SLC16A8: variants seen among roughly 807,000 people sequenced by gnomAD.
The protein encoded by SLC16A8 is monocarboxylate transporter 3.
Under a neutral mutation model 22.4 loss-of-function variants are expected in SLC16A8, and 20 were observed. That is an observed-to-expected ratio of 0.89 (90% confidence interval 0.63 to 1.30). The LOEUF (loss-of-function observed/expected upper bound fraction) is 1.30, where lower values mean the gene tolerates loss of function less well. Ranked by LOEUF, SLC16A8 falls within the 50% of genes most tolerant of loss-of-function variation. The probability of loss-of-function intolerance (pLI) is 0.00; values close to 1 mark genes in which losing one functional copy is unlikely to be tolerated. For synonymous variants in SLC16A8, 393 were observed against 358.8 expected (o/e 1.10, Z -1.08); for missense variants, 817 against 740.3 (o/e 1.10, Z -1.20).
At chr22:38,080,034 G>A (rs1182789052) in intron 5 of SLC16A8, among the ~76,000 whole-genome samples, 1 of 152,210 alleles carries the variant, frequency 6.6e-6, no homozygotes, top group Admixed American at 6.5e-5. Context: ...CCCGCAAGGT[G>A]TCCTCCCTGG....
intron 5 of SLC16A8, among the ~76,000 whole-genome samples, chr22:38,080,435 C>T (rs762679262): frequency 1.3e-5 from 2 of 152,184 alleles, no homozygotes; most frequent in Non-Finnish European, 1.5e-5. Flanking sequence ...TTCCAGTCAC[C>T]ATTCTAGATG....
chr22:38,082,600 T>C, intron 3 of SLC16A8, 60 bp downstream of exon 3: 1 of 1,405,158 alleles, frequency 7.1e-7, no homozygotes, highest in Non-Finnish European at 9.6e-7. Context: ...GGCTCGGGTG[T>C]CTCCTGGTTC....
At chr22:38,082,976 G>A in intron 2 of SLC16A8, 66 bp downstream of exon 2, 1 of 794,762 alleles carries the variant, frequency 1.3e-6, no homozygotes, top group South Asian at 1.8e-5. Flanking sequence ...CTGAGGCACA[G>A]GGCTACCCAC....
rs1210350322 is a variant in SLC16A8 at position 38,081,401 on chromosome 22, C to A, written c.637G>T (p.Ala213Ser). Residue 213 changes from alanine to serine, a missense_variant, in exon 5 of 6, where the codon GCC becomes TCC. Transcript: ENST00000681075. ...TCCGCCTCGCCCGGAGCGTCCCCGG[C>A]GCGGTCGCCGGCGCTGTCCCTGCGC... ...RPRRDSAGDR[A>S]GDAPGEAEAD... 4.4e-6 allele frequency: 6 copies of A among 1,362,310 alleles called. No homozygotes were observed. The South Asian group carries it at 7.2e-5, about 16-fold the overall frequency. 84.4% of individuals were successfully genotyped at this position (1,362,310 alleles called of 1,614,324 possible). A position where few individuals can be genotyped will look rare whatever the true frequency, so the allele number is the denominator to read the frequency against.
chr22:38,080,357 A>T (rs1444224370), intron 5 of SLC16A8, among the ~76,000 whole-genome samples: 1 of 151,986 alleles, frequency 6.6e-6, no homozygotes, highest in Non-Finnish European at 1.5e-5. Flanking sequence ...GCTTCTCCCC[A>T]TCTGCCCGCT....
In SLC16A8 at chr22:38,083,004, C is replaced by T; in HGVS notation, c.-9+38G>A. The T allele has an allele frequency of 6.2e-6, 4 of 650,140 alleles. No individual in the cohort carries two copies. In the South Asian group the frequency reaches 7.8e-5, roughly 13 times the overall value. 40.3% of individuals were successfully genotyped at this position (650,140 alleles called of 1,614,324 possible). ...CTACCCACGTGAGGGTGGCTCAGGT[C>T]TGGGAACCAAAAGGGGAAACGGAGG... On this transcript the variant is annotated intron_variant, in intron 2 of 5. Coordinates refer to ENST00000681075, the MANE Select transcript of SLC16A8 (RefSeq NM_013356.3).
In SLC16A8 at chr22:38,081,608, G is replaced by C; in HGVS notation, c.430C>G (p.Leu144Val). ...CCCGCCGCCGCCAGCCCGTTGGCCAGAGGCCGCCGCCGCTCGAAGTACAGC... is the reference window on the plus strand; with the variant it reads ...CCCGCCGCCGCCAGCCCGTTGGCCACAGGCCGCCGCCGCTCGAAGTACAGC... ...LGLYFERRRP[L>V]ANGLAAAGSP... Residue 144 changes from leucine to valine, a missense_variant, in exon 5 of 6, where the codon CTG becomes GTG. Physicochemically the swap from Leu to Val is conservative, Grantham distance 32. Coordinates refer to ENST00000681075, the MANE Select transcript of SLC16A8 (RefSeq NM_013356.3). 6.6e-7 allele frequency: 1 copy of C among 1,520,294 alleles called. No individual in the cohort carries two copies. 94.2% of individuals were successfully genotyped at this position (1,520,294 alleles called of 1,614,324 possible). A position where few individuals can be genotyped will look rare whatever the true frequency, so the allele number is the denominator to read the frequency against.
In SLC16A8 at chr22:38,081,898, C is replaced by A. The variant is rs1214538328; in HGVS notation, c.349G>T (p.Val117Leu). The change falls in exon 4 of 6, where the codon GTG becomes TTG. Residue 117 changes from valine (V) to leucine (L), a missense_variant. Val to Leu is a conservative substitution (Grantham distance 32, BLOSUM62 1). Coordinates refer to ENST00000681075, the MANE Select transcript of SLC16A8 (RefSeq NM_013356.3). The stretch of plus-strand genomic sequence containing the variant: ...ACCAGGGGGCCCTCACCTGTGAGCA[C>A]CCCAGCGGTCAGGTAGAGCTCCAGG... ...RLLELYLTAG[V>L]LTGLGLALNF... 2 of 1,592,728 alleles carry A rather than the reference C, an allele frequency of 1.3e-6. No individual in the cohort carries two copies. Among genetic ancestry groups the A allele is most frequent in the African/African-American group, 1.3e-5 (1 of 74,542 alleles).
At position 38,080,990 on chromosome 22, in the gene SLC16A8, A is replaced by G. The variant is rs745410636; in HGVS notation, c.1048T>C (p.Cys350Arg). ...ARSYGALVAF[C>R]VAFGLSYGMV... ...CCGTAGGAGAGGCCGAAGGCGACGC[A>G]GAAGGCGACGAGGGCGCCGTAGGAG... The change falls in exon 5 of 6, where the codon TGC (cysteine) becomes CGC (arginine). Residue 350 changes from cysteine to arginine, a missense_variant. By Grantham distance (180) the Cys-to-Arg change is radical. Coordinates refer to ENST00000681075, the MANE Select transcript of SLC16A8 (RefSeq NM_013356.3). 6.3e-7 allele frequency: 1 copy of G among 1,597,888 alleles called. No homozygotes were observed. Among genetic ancestry groups the G allele is most frequent in the Non-Finnish European group, 8.5e-7 (1 of 1,177,054 alleles).
At position 38,083,125 on chromosome 22, in the gene SLC16A8, C is replaced by T. The variant is rs2085946545; in HGVS notation, c.-92G>A. The T allele has an allele frequency of 3.8e-6, 2 of 524,782 alleles. No homozygotes were observed. The highest frequency in any genetic ancestry group is 6.8e-6 in the Non-Finnish European group (2 of 293,936). The allele number at this position is 524,782 out of a possible 1,614,324, so 32.5% of individuals were successfully genotyped here. A position where few individuals can be genotyped will look rare whatever the true frequency, so the allele number is the denominator to read the frequency against. ...ACCTGACTCTGCACCTCTGCAGGCT[C>T]CCTCTGAAGGACAACTGCTGGCCCC... is the stretch of plus-strand genomic sequence containing the variant. On this transcript the variant is annotated 5_prime_UTR_variant, in exon 2 of 6. Coordinates refer to ENST00000681075, the MANE Select transcript of SLC16A8 (RefSeq NM_013356.3).
intron 3 of SLC16A8, 27 bp from the exon 4 acceptor site, chr22:38,082,059 G>C: frequency 6.4e-7 from 1 of 1,557,926 alleles, no homozygotes; most frequent in Non-Finnish European, 8.7e-7. Context: ...GTCACCACCC[G>C]GGTCCCGGGA....
chr22:38,082,757 C>G lies in SLC16A8; in HGVS notation c.117G>C (p.Val39=), dbSNP rs757468486. The G allele has an allele frequency of 4.4e-6, 7 of 1,593,230 alleles. No homozygotes were observed. The highest frequency in any genetic ancestry group is 1.3e-5 in the African/African-American group (1 of 74,816). The change falls in exon 3 of 6, where the codon GTG becomes GTC. Residue 39 remains valine, a synonymous_variant. Transcript: ENST00000681075. ...GCATGAGCGCGCGGAAGAAGACGCT[C>G]ACGGCTTTGGGGAAGCCGTAGGCGA... ...TGFAYGFPKA[V]SVFFRALMRD...
intron 2 of SLC16A8, 41 bp from the exon 3 acceptor site, chr22:38,082,922 A>T (rs1169771065): frequency 8.3e-7 from 1 of 1,199,582 alleles, no homozygotes; most frequent in African/African-American, 1.5e-5. Flanking sequence ...GGGCTGGGCC[A>T]GCAGCCTAGA....
Position 38,082,778 on chromosome 22 carries a change from G to T in SLC16A8, c.96C>A (p.Ala32=). 2 of 1,596,372 alleles carry T rather than the reference G, an allele frequency of 1.3e-6. No individual in the cohort carries two copies. The highest frequency in any genetic ancestry group is 1.7e-6 in the Non-Finnish European group (2 of 1,174,704). ...CGCTCACGGCTTTGGGGAAGCCGTAGGCGAAGCCGGTGACCACAAAGCAGG... is the reference window on the plus strand; with the variant it reads ...CGCTCACGGCTTTGGGGAAGCCGTATGCGAAGCCGGTGACCACAAAGCAGG... ...LGACFVVTGF[A]YGFPKAVSVF... The change falls in exon 3 of 6, where the codon GCC becomes GCA. Residue 32 remains alanine, a synonymous_variant. Coordinates refer to ENST00000681075, the MANE Select transcript of SLC16A8 (RefSeq NM_013356.3).
At chr22:38,082,992 G>T in intron 2 of SLC16A8, 50 bp downstream of exon 2, 1 of 700,354 alleles carries the variant, frequency 1.4e-6, no homozygotes. Flanking sequence ...CCCACGTGAG[G>T]GTGGCTCAGG....
chr22:38,080,066 C>T (rs2085893904), intron 5 of SLC16A8, among the ~76,000 whole-genome samples: 1 of 152,232 alleles, frequency 6.6e-6, no homozygotes, highest in Non-Finnish European at 1.5e-5. Context: ...TCTCACAGCC[C>T]TCTAGCCTCT....
chr22:38,080,833 G>A lies in SLC16A8; in HGVS notation c.1198+7C>T. The A allele has an allele frequency of 6.7e-7, 1 of 1,483,856 alleles. No homozygotes were observed. The highest frequency in any genetic ancestry group is 8.9e-7 in the Non-Finnish European group (1 of 1,123,756). The allele number at this position is 1,483,856 out of a possible 1,614,324, so 91.9% of individuals were successfully genotyped here. On this transcript the variant is annotated splice_region_variant and intron_variant, in intron 5 of 5. Coordinates refer to ENST00000681075, the MANE Select transcript of SLC16A8 (RefSeq NM_013356.3). The stretch of plus-strand genomic sequence containing the variant: ...GGCTCGCCACCCCCTCTTCCTTCGG[G>A]GCGCACCGGCAGAGGGCGGTCCGAT...
In SLC16A8 at chr22:38,080,912, G is replaced by A. The variant is rs748753874; in HGVS notation, c.1126C>T (p.Arg376Cys). 7 of 1,570,266 alleles carry A rather than the reference G, an allele frequency of 4.5e-6. No homozygotes were observed. Among genetic ancestry groups the A allele is most frequent in the Non-Finnish European group, 6.0e-6 (7 of 1,164,550 alleles). The change falls in exon 5 of 6, where the codon CGC (arginine) becomes TGC (cysteine). Residue 376 changes from arginine to cysteine, a missense_variant. By Grantham distance (180) the Arg-to-Cys change is radical. Transcript: ENST00000681075. ...ACCAGGCCCAGCGCACTGGGGAAGC[G>A]GGGCGCGCCCACAGCCGCCATGAGC... ...EVLMAAVGAP[R>C]FPSALGLVLL...
chr22:38,078,776 A>G, intron 5 of SLC16A8, 72 bp from the exon 6 acceptor site: 1 of 1,401,502 alleles, frequency 7.1e-7, no homozygotes, highest in Non-Finnish European at 9.8e-7. Flanking sequence ...CTGCACTCTC[A>G]GGTCAAGGGT....
Sources: gnomAD v4.1 joint callset for allele counts (sites outside exome capture counted in the v4.1 genomes callset) on GRCh38, gnomAD v4.1.1 for gene constraint, MANE v1.5 for transcripts, NCBI Gene and HGNC (gene_info 2026-07-23, HGNC 2026-07-21) for gene names.